COL23A1: variants seen among roughly 807,000 people sequenced by gnomAD.
COL23A1 encodes collagen type XXIII alpha 1 chain, also known as collagen alpha-1(XXIII) chain.
A neutral mutation model predicts 99.3 loss-of-function variants in COL23A1; 97 were observed. The ratio of observed to expected loss-of-function variants is 0.98; its 90% confidence interval spans 0.83 to 1.16. COL23A1 has a LOEUF of 1.16. Among genes scored for constraint, COL23A1 ranks in the 50% most tolerant of loss-of-function variants. The pLI is 0.00. For synonymous variants in COL23A1, 320 were observed against 308.2 expected, an observed-to-expected ratio of 1.04 and a Z score of -0.40; for missense variants, 762 against 757.4, an observed-to-expected ratio of 1.01 and a Z score of -0.07.
intron 27 of COL23A1, among the ~76,000 whole-genome samples, chr5:178,240,350 A>G (rs1406158933): frequency 6.6e-6 from 1 of 151,498 alleles, no homozygotes; most frequent in Non-Finnish European, 1.5e-5. Flanking sequence ...AGGGGGGCAG[A>G]ATGGAAAGGA....
chr5:178,359,896 G>A (rs955091681), intron 2 of COL23A1, among the ~76,000 whole-genome samples: 1 of 152,248 alleles, frequency 6.6e-6, no homozygotes, highest in African/African-American at 2.4e-5. Context: ...AGAGGGAGCA[G>A]AGGAGCCCAG....
chr5:178,464,718 G>A (rs1213003779), intron 2 of COL23A1, among the ~76,000 whole-genome samples: 1 of 152,212 alleles, frequency 6.6e-6, no homozygotes, highest in Non-Finnish European at 1.5e-5. Context: ...ATTTTTAAAT[G>A]GTTAATGATT....
chr5:178,399,281 A>AAG (rs1051866819), intron 2 of COL23A1, among the ~76,000 whole-genome samples: 6 of 152,120 alleles, frequency 3.9e-5, no homozygotes, highest in South Asian at 2.1e-4. Flanking sequence ...CAGCACAGAG[A>AAG]AGAGAGAGAG....
At chr5:178,563,371 C>T (rs1412726210) in intron 1 of COL23A1, among the ~76,000 whole-genome samples, 1 of 152,162 alleles carries the variant, frequency 6.6e-6, no homozygotes, top group Non-Finnish European at 1.5e-5. Flanking sequence ...GCAGACACCA[C>T]CCCTACTAAT....
chr5:178,289,733 T>C (rs1241526984), intron 4 of COL23A1, among the ~76,000 whole-genome samples: 3 of 152,192 alleles, frequency 2.0e-5, no homozygotes, highest in Non-Finnish European at 4.4e-5. Flanking sequence ...GTGCTAGCAT[T>C]TCCGTGTACC....
chr5:178,550,330 G>A (rs146205834), intron 2 of COL23A1, among the ~76,000 whole-genome samples: 3 of 152,270 alleles, frequency 2.0e-5, no homozygotes, highest in Admixed American at 6.5e-5. Flanking sequence ...ATTTGGGACC[G>A]GATAGTTCTT....
chr5:178,260,960 T>C (rs1458915769), intron 11 of COL23A1, among the ~76,000 whole-genome samples: 1 of 151,470 alleles, frequency 6.6e-6, no homozygotes, highest in African/African-American at 2.4e-5. Flanking sequence ...ACAGCAAGAG[T>C]GAACCCTAAT....
chr5:178,565,220 A>G (rs1027352595), intron 1 of COL23A1, among the ~76,000 whole-genome samples: 24 of 152,242 alleles, frequency 1.6e-4, no homozygotes, highest in Non-Finnish European at 3.1e-4. Flanking sequence ...GGCTGTTGTG[A>G]TATCATCTTC....
rs111930582 is a variant in COL23A1, at chr5:178,553,031, A to G, written c.361+7651T>C. 4.5e-3 allele frequency among the ~76,000 whole-genome samples: 687 copies of G among 151,816 alleles called. 10 individuals carry two copies. The highest frequency in any genetic ancestry group is 0.015 in the African/African-American group (612 of 41,416). On this transcript the variant is annotated intron_variant, in intron 2 of 28. Transcript: ENST00000390654. ...CCAGGAAAATTTTTTTTAATTAGCC[A>G]TGGTGGCACACGCCTGTGGTCCCAG...
chr5:178,485,793 A>AC (rs1423058630), intron 2 of COL23A1, among the ~76,000 whole-genome samples: 6 of 151,530 alleles, frequency 4.0e-5, no homozygotes, highest in African/African-American at 9.7e-5. Flanking sequence ...AAAAAAAAAA[A>AC]AAAAACACAG....
In COL23A1 at chr5:178,365,168, T is replaced by A. The variant is rs952077580; in HGVS notation, c.362-58249A>T. 1.5e-5 allele frequency among the ~76,000 whole-genome samples: 2 copies of A among 132,682 alleles called. No homozygotes were observed. The highest frequency in any genetic ancestry group is 2.9e-5 in the African/African-American group (1 of 34,578). The allele number at this position is 132,682 out of a possible 152,430, so 87.0% of individuals were successfully genotyped here. A position where few individuals can be genotyped will look rare whatever the true frequency, so the allele number is the denominator to read the frequency against. ...GTGTGTGTGTGTGTGTGTGTGTGTGTGTGATAAATAAGCAAAATTGTTTTC... is the reference window on the plus strand; with the variant it reads ...GTGTGTGTGTGTGTGTGTGTGTGTGAGTGATAAATAAGCAAAATTGTTTTC... On this transcript the variant is annotated intron_variant, in intron 2 of 28. Coordinates refer to ENST00000390654, the MANE Select transcript of COL23A1 (RefSeq NM_173465.4). The surrounding 1 kb of genome is among the most constrained non-coding windows in gnomAD (Gnocchi z 5.2).
chr5:178,456,107 G>A (rs1357698440), intron 2 of COL23A1, among the ~76,000 whole-genome samples: 4 of 152,158 alleles, frequency 2.6e-5, no homozygotes, highest in Non-Finnish European at 4.4e-5. Flanking sequence ...AGATTGTTCT[G>A]CAGATGGTGT....
chr5:178,269,458 T>TCCATCCACCCGTCCATCCACCCACCCAC (rs1756128910), intron 6 of COL23A1, among the ~76,000 whole-genome samples: 1 of 70,438 alleles, frequency 1.4e-5, no homozygotes, highest in Non-Finnish European at 2.7e-5. Flanking sequence ...CATCCACCCA[T>TCCATCCACCCGTCCATCCACCCACCCAC]CCATCCACCC....
At chr5:178,484,188 T>A (rs897673286) in intron 2 of COL23A1, among the ~76,000 whole-genome samples, 12 of 152,158 alleles carry the variant, frequency 7.9e-5, no homozygotes, top group African/African-American at 2.7e-4. Context: ...CCTCCCAAAG[T>A]GCTGGGATTA....
At position 178,585,621 on chromosome 5, in the gene COL23A1, G is replaced by A. The variant is rs376447016; in HGVS notation, c.294+4283C>T. Among the ~76,000 whole-genome samples the A allele has an allele frequency of 7.3e-3, 683 of 93,340 alleles. 2 individuals are homozygous for A. The highest frequency in any genetic ancestry group is 0.021 in the Middle Eastern group (2 of 94). The allele number at this position is 93,340 out of a possible 152,430, so 61.2% of individuals were successfully genotyped here. A position where few individuals can be genotyped will look rare whatever the true frequency, so the allele number is the denominator to read the frequency against. ...GGGTAACACTCCACAGCCCTGGATG[G>A]CGCTGGGGTAACACTCCACAGCCCT... On this transcript the variant is annotated intron_variant, in intron 1 of 28. Transcript: ENST00000390654.
At chr5:178,450,267 T>C (rs991718200) in intron 2 of COL23A1, among the ~76,000 whole-genome samples, 1 of 150,802 alleles carries the variant, frequency 6.6e-6, no homozygotes, top group African/African-American at 2.4e-5. Flanking sequence ...CGTTTTCCCC[T>C]TCTTCTATGG....
At chr5:178,423,812 G>A (rs560593772) in intron 2 of COL23A1, among the ~76,000 whole-genome samples, 15 of 152,210 alleles carry the variant, frequency 9.9e-5, no homozygotes, top group African/African-American at 2.9e-4. Flanking sequence ...CCTGGATCCC[G>A]GCCTGCCCAT....
At chr5:178,561,039 G>A (rs964651137) in intron 1 of COL23A1, among the ~76,000 whole-genome samples, 5 of 152,220 alleles carry the variant, frequency 3.3e-5, no homozygotes, top group East Asian at 3.8e-4. Flanking sequence ...CAGAAACAGC[G>A]TCCTGCAAGT....
At chr5:178,507,346 C>T (rs1758932070) in intron 2 of COL23A1, among the ~76,000 whole-genome samples, 1 of 152,196 alleles carries the variant, frequency 6.6e-6, no homozygotes, top group South Asian at 2.1e-4. Flanking sequence ...TTTAGCTTTA[C>T]AAAGAGTGCT....
Sources: allele counts gnomAD v4.1 joint callset (sites outside exome capture counted in the v4.1 genomes callset), GRCh38; gene constraint gnomAD v4.1.1; non-coding constraint Gnocchi (gnomAD v3.1); transcripts MANE v1.5; gene names NCBI Gene and HGNC (gene_info 2026-07-23, HGNC 2026-07-21).